Variants in RBMS2 observed in about 807,000 individuals in gnomAD.
The protein encoded by RBMS2 is RNA-binding motif, single-stranded-interacting protein 2.
A neutral mutation model predicts 58.4 loss-of-function variants in RBMS2; 38 were observed. The ratio of observed to expected loss-of-function variants is 0.65; its 90% CI spans 0.50 to 0.85. The LOEUF (loss-of-function observed/expected upper bound fraction) is 0.85. Ranked by LOEUF, RBMS2 falls within the 40% of genes least tolerant of loss-of-function variation. RBMS2 has a pLI of 0.00. For missense variants in RBMS2, 367 were observed against 503.7 expected (o/e 0.73, Z 2.60); for synonymous variants, 151 against 180.7 (o/e 0.84, Z 1.32).
chr12:56,551,942 G>C (rs1408208010), intron 1 of RBMS2, among the ~76,000 whole-genome samples: 1 of 152,150 alleles, frequency 6.6e-6, no homozygotes, highest in Non-Finnish European at 1.5e-5. Flanking sequence ...ACAAAACTTA[G>C]CCGGGCATGG....
intron 1 of RBMS2, among the ~76,000 whole-genome samples, chr12:56,528,381 G>C (rs1356462620): frequency 6.6e-6 from 1 of 152,146 alleles, no homozygotes; most frequent in Non-Finnish European, 1.5e-5. Flanking sequence ...AGAGGTATGG[G>C]GAGCAAAATC....
At chr12:56,525,064 C>T (rs141457219) in intron 1 of RBMS2, among the ~76,000 whole-genome samples, 5 of 151,884 alleles carry the variant, frequency 3.3e-5, no homozygotes, top group African/African-American at 9.7e-5. Flanking sequence ...TTCCTCAACA[C>T]TAGATGACCA....
intron 5 of RBMS2, chr12:56,573,056 CT>C (rs34175256): frequency 0.094 from 78,277 of 836,954 alleles, 7 homozygotes; most frequent in South Asian, 0.14. Flanking sequence ...ATTCTTTTGA[CT>C]TTTTTTTTTT....
At chr12:56,539,569 TC>T (rs1875684978) in intron 1 of RBMS2, 1 of 364,466 alleles carries the variant, frequency 2.7e-6, no homozygotes, top group Non-Finnish European at 5.3e-6. Flanking sequence ...TGATAATAGT[TC>T]CTTTGTTCAA....
At chr12:56,588,406 T>C (rs746351921) in intron 12 of RBMS2, 32 bp downstream of exon 12, 2 of 1,574,228 alleles carry the variant, frequency 1.3e-6, no homozygotes, top group Non-Finnish European at 1.7e-6. Context: ...TGGATTGAGA[T>C]TAGGAAAATG....
chr12:56,556,513 T>G (rs1879263990), intron 1 of RBMS2, among the ~76,000 whole-genome samples: 1 of 151,744 alleles, frequency 6.6e-6, no homozygotes, highest in African/African-American at 2.4e-5. Context: ...GTAGCTGGGA[T>G]TATAAGCACG....
intron 1 of RBMS2, among the ~76,000 whole-genome samples, chr12:56,547,836 A>G (rs12321155): frequency 0.95 from 142,910 of 151,190 alleles, 67,899 homozygotes; most frequent in East Asian, 1. Context: ...ATTTTTAGTA[A>G]AGACGGGGTT....
chr12:56,581,958 C>G, intron 8 of RBMS2, 79 bp downstream of exon 8: 2 of 1,584,776 alleles, frequency 1.3e-6, no homozygotes, highest in East Asian at 4.5e-5. Context: ...TCTTGATTCT[C>G]TCTATTTGAA....
intron 5 of RBMS2, among the ~76,000 whole-genome samples, chr12:56,579,635 A>G (rs1379766616): frequency 2.7e-5 from 4 of 147,830 alleles, no homozygotes; most frequent in African/African-American, 9.8e-5. Context: ...CTCAGTCTCA[A>G]AAAAAAAAAA....
intron 1 of RBMS2, among the ~76,000 whole-genome samples, chr12:56,524,691 TACTTTGAGTC>T (rs1345927415): frequency 2.0e-5 from 3 of 150,668 alleles, no homozygotes; most frequent in Non-Finnish European, 4.4e-5. Context: ...GCTGAGATTA[TACTTTGAGTC>T]ACCAAGCCTG....
At position 56,522,070 on chromosome 12, in the gene RBMS2, A is replaced by G; in HGVS notation, c.47A>G (p.Tyr16Cys). Residue 16 changes from tyrosine to cysteine, a missense_variant, in exon 1 of 14, where the codon TAC becomes TGC. Tyr to Cys is a radical substitution (Grantham distance 194). Coordinates refer to ENST00000262031, the MANE Select transcript of RBMS2 (RefSeq NM_002898.4). ...TSRPGISTFG[Y>C]NRNNKKPYVS... ...AGGCCCGGGATTTCGACTTTTGGCT[A>G]CAATAGAAACAACAAGAAGGTAGGG... is the stretch of plus-strand genomic sequence containing the variant. 6.3e-7 allele frequency: 1 copy of G among 1,598,894 alleles called. No individual in the cohort carries two copies. The highest frequency in any genetic ancestry group is 8.6e-7 in the Non-Finnish European group (1 of 1,168,088).
intron 11 of RBMS2, among the ~76,000 whole-genome samples, chr12:56,587,926 T>A (rs1200273402): frequency 6.6e-6 from 1 of 152,162 alleles, no homozygotes; most frequent in African/African-American, 2.4e-5. Context: ...TAGTTTAAGA[T>A]ACACACACGT....
rs1184709998 is a variant in RBMS2, at chr12:56,595,753, A to G, written c.*6620A>G. 1.3e-5 allele frequency: 2 copies of G among 152,306 alleles called. No individual in the cohort carries two copies. Among genetic ancestry groups the G allele is most frequent in the African/African-American group, 4.8e-5 (2 of 41,324 alleles). 9.4% of individuals were successfully genotyped at this position (152,306 alleles called of 1,614,324 possible). A position where few individuals can be genotyped will look rare whatever the true frequency, so the allele number is the denominator to read the frequency against. On this transcript the variant is annotated 3_prime_UTR_variant, in exon 14 of 14. Coordinates refer to ENST00000262031, the MANE Select transcript of RBMS2 (RefSeq NM_002898.4). ...CACTGAATCCCCCTTTGCTCCAGCAACTCAGCCAGACATTTAGGCAGGAGC... is the reference window on the plus strand; with the variant it reads ...CACTGAATCCCCCTTTGCTCCAGCAGCTCAGCCAGACATTTAGGCAGGAGC...
intron 4 of RBMS2, 44 bp from the exon 5 acceptor site, chr12:56,571,654 G>A (rs767919723): frequency 6.9e-7 from 1 of 1,455,728 alleles, no homozygotes; most frequent in Admixed American, 2.3e-5. Flanking sequence ...GGTGGGAGAG[G>A]GATAAGAGAT....
At chr12:56,571,268 C>A (rs1022958756) in intron 4 of RBMS2, among the ~76,000 whole-genome samples, 2 of 152,214 alleles carry the variant, frequency 1.3e-5, no homozygotes, top group South Asian at 2.1e-4. Flanking sequence ...TCCTGCTCTT[C>A]CTCCATCAGG....
intron 1 of RBMS2, among the ~76,000 whole-genome samples, chr12:56,537,619 G>A (rs2657899): frequency 0.61 from 93,127 of 151,646 alleles, 29,029 homozygotes; most frequent in East Asian, 0.81. Flanking sequence ...GGTTGCTTCT[G>A]CCTTTTGGCT....
rs371288226 is a variant in RBMS2, at chr12:56,587,625, C to T, written c.1023C>T (p.Thr341=). 16 of 1,613,814 alleles carry T rather than the reference C, an allele frequency of 9.9e-6. No individual in the cohort carries two copies. The highest frequency in any genetic ancestry group is 1.4e-5 in the Non-Finnish European group (16 of 1,179,854). The stretch of plus-strand genomic sequence containing the variant: ...CTGCCTCCATGATGGGACCCCTTAC[C>T]CAGCAACTGGGCCATCTCTCCCTCA... ...LQPASMMGPL[T]QQLGHLSLSS... The change falls in exon 11 of 14, where the codon ACC becomes ACT. Residue 341 remains threonine, a synonymous_variant. Coordinates refer to ENST00000262031, the MANE Select transcript of RBMS2 (RefSeq NM_002898.4).
intron 5 of RBMS2, among the ~76,000 whole-genome samples, chr12:56,577,362 G>A (rs1883280283): frequency 6.6e-6 from 1 of 151,000 alleles, no homozygotes; most frequent in African/African-American, 2.4e-5. Context: ...AGTGAGCCGA[G>A]ATCACACCAC....
chr12:56,526,885 A>G (rs549318694), intron 1 of RBMS2, among the ~76,000 whole-genome samples: 1 of 152,300 alleles, frequency 6.6e-6, no homozygotes, highest in East Asian at 1.9e-4. Context: ...AACTCCTCAT[A>G]GGATCAACAA....
Sources: gnomAD v4.1 joint callset for allele counts (sites outside exome capture counted in the v4.1 genomes callset) on GRCh38, gnomAD v4.1.1 for gene constraint, MANE v1.5 for transcripts, NCBI Gene and HGNC (gene_info 2026-07-23, HGNC 2026-07-21) for gene names.